Variants in MAPK6 observed in about 807,000 individuals in gnomAD.
MAPK6 encodes the protein mitogen-activated protein kinase 6.
A neutral mutation model predicts 59.3 loss-of-function variants in MAPK6; 19 were observed. That is an observed-to-expected ratio of 0.32 (90% CI 0.22 to 0.47). The LOEUF is 0.47. Among genes scored for constraint, MAPK6 ranks in the 20% least tolerant of loss-of-function variants. The probability of loss-of-function intolerance (pLI) is 1.00; values close to 1 mark genes in which losing one functional copy is unlikely to be tolerated. For synonymous variants in MAPK6, 316 were observed against 290.3 expected (o/e 1.09, Z -0.90); for missense variants, 724 against 847.9 (o/e 0.85, Z 1.81).
chr15:52,050,491 C>T lies in MAPK6; in HGVS notation c.700+354C>T, dbSNP rs145777287. ...GAAAATCCAACAAATTTTTCTTGGT[C>T]CCCTCCCCCTATAAACAACCAAACA... On this transcript the variant is annotated intron_variant, in intron 3 of 5. Transcript: ENST00000261845. Among the ~76,000 whole-genome samples, 535 of 152,242 alleles carry T rather than the reference C, an allele frequency of 3.5e-3. 5 individuals are homozygous for T. The highest frequency in any genetic ancestry group is 0.012 in the African/African-American group (496 of 41,536).
upstream of MAPK6, among the ~76,000 whole-genome samples, chr15:52,015,446 C>G (rs2030205445): frequency 6.6e-6 from 1 of 151,670 alleles, no homozygotes; most frequent in African/African-American, 2.4e-5. Flanking sequence ...CGCATCTGGC[C>G]AAGCACTGAA....
intron 1 of MAPK6, among the ~76,000 whole-genome samples, chr15:52,031,092 C>A (rs1595984618): frequency 6.6e-6 from 1 of 151,992 alleles, no homozygotes; most frequent in East Asian, 1.9e-4. Context: ...CCATGCCTGG[C>A]CTTAATTTTT....
chr15:52,044,745 A>G (rs1174238310), intron 1 of MAPK6, among the ~76,000 whole-genome samples: 1 of 152,002 alleles, frequency 6.6e-6, no homozygotes, highest in East Asian at 1.9e-4. Flanking sequence ...TTTTAAGTGT[A>G]CAGAGATCAA....
At chr15:51,971,913 A>T in intron 1 of MAPK6, 1 of 672,290 alleles carries the variant, frequency 1.5e-6, no homozygotes, top group Non-Finnish European at 2.7e-6. Context: ...CTGGGTATGC[A>T]TGGTATATAA....
At chr15:51,987,461 C>T (rs1242236819) in intron 2 of MAPK6, among the ~76,000 whole-genome samples, 2 of 152,062 alleles carry the variant, frequency 1.3e-5, no homozygotes, top group South Asian at 2.1e-4. Context: ...AAAAATTAAC[C>T]GGGCATGGTG....
chr15:51,995,600 G>A (rs1389941515), intron 2 of MAPK6, among the ~76,000 whole-genome samples: 3 of 152,130 alleles, frequency 2.0e-5, no homozygotes, highest in African/African-American at 4.8e-5. Context: ...AGCTGCCTCC[G>A]CTATAGTTGT....
At chr15:52,028,953 A>T (rs749876152) in intron 1 of MAPK6, among the ~76,000 whole-genome samples, 4 of 152,200 alleles carry the variant, frequency 2.6e-5, no homozygotes, top group Non-Finnish European at 4.4e-5. Flanking sequence ...AATATAGTTG[A>T]CCACTGTTTT....
intron 2 of MAPK6, among the ~76,000 whole-genome samples, chr15:51,985,361 A>G (rs1464377941): frequency 6.6e-6 from 1 of 151,922 alleles, no homozygotes; most frequent in East Asian, 1.9e-4. Context: ...AAAATAAAAT[A>G]TTGTATATCA....
At chr15:52,015,508 C>T (rs1332296012), upstream of MAPK6, among the ~76,000 whole-genome samples, 2 of 147,044 alleles carry the variant, frequency 1.4e-5, no homozygotes, top group African/African-American at 2.5e-5. Flanking sequence ...GAGGGAGTCT[C>T]GCTCTGTCAC....
chr15:51,974,906 C>G (rs1325714647), intron 1 of MAPK6, among the ~76,000 whole-genome samples: 1 of 150,884 alleles, frequency 6.6e-6, no homozygotes, highest in Non-Finnish European at 1.5e-5. Context: ...TTAGTAAAGA[C>G]AGGGTTTCAC....
intron 1 of MAPK6, among the ~76,000 whole-genome samples, chr15:51,982,387 C>A (rs1417155440): frequency 6.6e-6 from 1 of 151,954 alleles, no homozygotes; most frequent in Non-Finnish European, 1.5e-5. Flanking sequence ...CTTGCAATGG[C>A]AAAAAAGCAT....
At chr15:51,979,196 G>A in intron 1 of MAPK6, among the ~76,000 whole-genome samples, 1 of 141,718 alleles carries the variant, frequency 7.1e-6, no homozygotes, top group East Asian at 2.0e-4. Context: ...AGGGAAAAGA[G>A]AAAGAAGGAA....
intron 2 of MAPK6, among the ~76,000 whole-genome samples, chr15:51,991,153 A>G (rs954894477): frequency 2.2e-4 from 28 of 125,116 alleles, no homozygotes; most frequent in Admixed American, 1.1e-3. Flanking sequence ...ATATATACAC[A>G]CACACACACA....
intron 2 of MAPK6, among the ~76,000 whole-genome samples, chr15:51,988,309 A>C (rs907710726): frequency 1.3e-5 from 2 of 151,918 alleles, no homozygotes. Context: ...GTTTTAATAC[A>C]TATATAGGCT....
chr15:52,058,997 C>A (rs1421240413), intron 4 of MAPK6, among the ~76,000 whole-genome samples, 200 bp downstream of exon 4: 1 of 152,032 alleles, frequency 6.6e-6, no homozygotes. Flanking sequence ...TTTTTTGGTT[C>A]CTCTGAATCA....
At chr15:52,024,745 T>G (rs971938553) in intron 1 of MAPK6, 2 of 152,140 alleles carry the variant, frequency 1.3e-5, no homozygotes, top group Admixed American at 1.3e-4. Flanking sequence ...AGAGGCACAA[T>G]CTTGCCCTGT....
chr15:51,999,682 C>T (rs1049231703), intron 2 of MAPK6, among the ~76,000 whole-genome samples: 5 of 152,062 alleles, frequency 3.3e-5, no homozygotes, highest in African/African-American at 4.8e-5. Flanking sequence ...CTGGCTCTGT[C>T]ATCCAGGCTG....
At chr15:51,979,444 T>A (rs2057166603) in intron 1 of MAPK6, among the ~76,000 whole-genome samples, 1 of 151,720 alleles carries the variant, frequency 6.6e-6, no homozygotes, top group Admixed American at 6.6e-5. Flanking sequence ...CCAAGATACA[T>A]GGTAAGGAGG....
At chr15:52,033,610 T>G (rs1566905766) in intron 1 of MAPK6, 2 of 152,190 alleles carry the variant, frequency 1.3e-5, no homozygotes, top group East Asian at 3.9e-4. Flanking sequence ...GGACTCAGAT[T>G]GAGCCACTAC....
Sources: gnomAD v4.1 joint callset for allele counts (sites outside exome capture counted in the v4.1 genomes callset) on GRCh38, gnomAD v4.1.1 for gene constraint, MANE v1.5 for transcripts, NCBI Gene and HGNC (gene_info 2026-07-23, HGNC 2026-07-21) for gene names.